Variants in POM121L2 observed in about 807,000 individuals in gnomAD.
POM121L2 encodes POM121 transmembrane nucleoporin like 2, also known as POM121-like protein 2.
For missense variants in POM121L2, 1,167 were observed against 1,260.3 expected (o/e 0.93, Z 1.12); for synonymous variants, 459 against 483.8 (o/e 0.95, Z 0.67).
rs1046397629 is a variant in POM121L2 at position 27,311,071 on chromosome 6, G to A, written c.1100C>T (p.Thr367Ile). 43 of 1,551,972 alleles carry A rather than the reference G, an allele frequency of 2.8e-5. No individual in the cohort carries two copies. Among genetic ancestry groups the A allele is most frequent in the Non-Finnish European group, 3.6e-5 (41 of 1,147,054 alleles). The change falls in exon 1 of 1, where the codon ACA becomes ATA. Residue 367 changes from threonine to isoleucine, a missense_variant. Physicochemically the swap from Thr to Ile is moderately conservative, Grantham distance 89. Transcript: ENST00000444565. ...LQVSNNAGEDTTEVNTDPFPE... is the reference protein window; with the variant it reads ...LQVSNNAGEDITEVNTDPFPE... ...GAAAGGGTCTGTGTTGACCTCAGTTGTATCTTCTCCTGCGTTGTTGCTTAC... is the reference window on the plus strand; with the variant it reads ...GAAAGGGTCTGTGTTGACCTCAGTTATATCTTCTCCTGCGTTGTTGCTTAC...
rs1389269445 is a variant in POM121L2 at position 27,310,770 on chromosome 6, C to A, written c.1401G>T (p.Leu467=). Residue 467 remains leucine (L), a synonymous_variant, in exon 1 of 1, where the codon CTG becomes CTT. Transcript: ENST00000444565. The part of the protein sequence containing the change: ...PDSKPTATFI[L]LTPTSPTLPV... ...GTAATGTGGGAGAGGTGGGGGTCAG[C>A]AGGATGAAAGTAGCTGTGGGCTTTG... The A allele has an allele frequency of 1.3e-6, 2 of 1,551,732 alleles. No homozygotes were observed. Among genetic ancestry groups the A allele is most frequent in the South Asian group, 2.4e-5 (2 of 84,050 alleles).
chr6:27,312,056 G>C lies in POM121L2; in HGVS notation c.115C>G (p.His39Asp), dbSNP rs2113599092. The C allele has an allele frequency of 1.3e-6, 2 of 1,521,646 alleles. No individual in the cohort carries two copies. The highest frequency in any genetic ancestry group is 2.5e-5 in the South Asian group (2 of 79,454). 94.3% of individuals were successfully genotyped at this position (1,521,646 alleles called of 1,614,324 possible). A position where few individuals can be genotyped will look rare whatever the true frequency, so the allele number is the denominator to read the frequency against. Residue 39 changes from histidine to aspartate, a missense_variant, in exon 1 of 1, where the codon CAT (histidine) becomes GAT (aspartate). Coordinates refer to ENST00000444565, the MANE Select transcript of POM121L2 (RefSeq NM_033482.4). This position sits in a 1 kb window ranked among gnomAD's most constrained non-coding sequence, Gnocchi z 6.7. ...GCGCGGTGGACGAACTGAACCCGAT[G>C]AACTTGGTGAAGGGGCTGAGGTGGC... ...RRPPQPLHQVHRVQFVHRAHP... is the reference protein window; with the variant it reads ...RRPPQPLHQVDRVQFVHRAHP...
In POM121L2 at chr6:27,311,694, C is replaced by T; in HGVS notation, c.477G>A (p.Val159=). 1 of 1,551,930 alleles carries T rather than the reference C, an allele frequency of 6.4e-7. No individual in the cohort carries two copies. The highest frequency in any genetic ancestry group is 8.7e-7 in the Non-Finnish European group (1 of 1,147,048). ...ELADPCSKET[V]LRALRECRKG... is the part of the protein sequence containing the mutation. ...TTCTGCACTCTCTGAGGGCCCTCAA[C>T]ACTGTCTCCTTTGAACATGGATCTG... Residue 159 remains valine, a synonymous_variant, in exon 1 of 1, where the codon GTG becomes GTA. Transcript: ENST00000444565.
rs958716523 is a variant in POM121L2 at position 27,310,401 on chromosome 6, C to T, written c.1770G>A (p.Thr590=). ...TGGAGGAGAAAGGAGCTATCATGGG[C>T]GTAGTTTTAAGTGGATCTATGCTGC... The part of the protein sequence containing the change: ...IFGSIDPLKT[T]PMIAPFSSKQ... Residue 590 remains threonine, a synonymous_variant, in exon 1 of 1, where the codon ACG becomes ACA. Coordinates refer to ENST00000444565, the MANE Select transcript of POM121L2 (RefSeq NM_033482.4). 51 of 1,552,012 alleles carry T rather than the reference C, an allele frequency of 3.3e-5. No homozygotes were observed. The highest frequency in any genetic ancestry group is 9.5e-5 in the South Asian group (8 of 84,048).
Position 27,309,373 on chromosome 6 carries a change from A to T in POM121L2, c.2798T>A (p.Ile933Asn), listed in dbSNP as rs1242746271. 1 of 1,551,394 alleles carries T rather than the reference A, an allele frequency of 6.4e-7. No homozygotes were observed. Among genetic ancestry groups the T allele is most frequent in the Non-Finnish European group, 8.7e-7 (1 of 1,146,930 alleles). Reference protein sequence around the residue: ...ALPSGTTNTMIPFGKGWSQNT... With the variant: ...ALPSGTTNTMNPFGKGWSQNT... ...CTGGCTCCAGCCTTTTCCAAAGGGG[A>T]TCATGGTGTTAGTGGTCCCACTAGG... The change falls in exon 1 of 1, where the codon ATC (isoleucine) becomes AAC (asparagine). Residue 933 changes from isoleucine to asparagine, a missense_variant. By Grantham distance (149) the Ile-to-Asn change is moderately radical. Transcript: ENST00000444565.
chr6:27,309,909 AC>A, intron 1 of POM121L2: 2 of 1,551,584 alleles, frequency 1.3e-6, no homozygotes, highest in Non-Finnish European at 1.7e-6. Flanking sequence ...ATCCCAAGGG[AC>A]TTGTGATTGC....
At position 27,311,097 on chromosome 6, in the gene POM121L2, C is replaced by CTGTA; in HGVS notation, c.212_215dup (p.Gln72HisfsTer14). ...TATCTTCTCCTGCGTTGTTGCTTACCTGTAGCTCAGCTTTCTTCCCCAAAG... is the reference window on the plus strand; with the variant it reads ...TATCTTCTCCTGCGTTGTTGCTTACCTGTATGTAGCTCAGCTTTCTTCCCCAAAG... On this transcript the variant is annotated frameshift_variant and splice_region_variant, in exon 1 of 2. Coordinates refer to the POM121L2 transcript ENST00000429945. LOFTEE classifies it high-confidence loss of function. 1 of 1,551,876 alleles carries CTGTA rather than the reference C, an allele frequency of 6.4e-7. No individual in the cohort carries two copies. The highest frequency in any genetic ancestry group is 1.2e-5 in the South Asian group (1 of 84,060).
rs761036021 is a variant in POM121L2, at chr6:27,311,047, A to G, written c.1124T>C (p.Phe375Ser). 18 of 1,551,970 alleles carry G rather than the reference A, an allele frequency of 1.2e-5. No homozygotes were observed. The East Asian group carries it at 1.5e-4, about 13-fold the overall frequency. ...EDTTEVNTDP[F>S]PETWLAIQPS... The stretch of plus-strand genomic sequence containing the variant: ...CTGAATAGCAAGCCAAGTCTCAGGG[A>G]AAGGGTCTGTGTTGACCTCAGTTGT... Residue 375 changes from phenylalanine to serine, a missense_variant, in exon 1 of 1, where the codon TTC becomes TCC. Phe to Ser is a radical substitution (Grantham distance 155). Transcript: ENST00000444565.
chr6:27,309,068 T>C lies in POM121L2; in HGVS notation c.3103A>G (p.Lys1035Glu), dbSNP rs1010383981. 3.9e-6 allele frequency: 6 copies of C among 1,548,152 alleles called. No individual in the cohort carries two copies. The African/African-American group carries it at 4.1e-5, about 11-fold the overall frequency. The change falls in exon 1 of 1, where the codon AAG becomes GAG. Residue 1035 changes from lysine to glutamate, a missense_variant. Coordinates refer to ENST00000444565, the MANE Select transcript of POM121L2 (RefSeq NM_033482.4). ...GHSRRHHAYK[K>E] Reference sequence around the variant, plus strand: ...CAAGTGACAGGGAACACAGGCTACTTCTTGTAGGCATGATGCCTTCGGGAA... The same window carrying C: ...CAAGTGACAGGGAACACAGGCTACTCCTTGTAGGCATGATGCCTTCGGGAA...
Position 27,309,728 on chromosome 6 carries a change from G to C in POM121L2, c.2443C>G (p.Pro815Ala), listed in dbSNP as rs1402955960. The change falls in exon 1 of 1, where the codon CCA (proline) becomes GCA (alanine). Residue 815 changes from proline (P) to alanine (A), a missense_variant. By Grantham distance (27) the Pro-to-Ala change is conservative. Coordinates refer to ENST00000444565, the MANE Select transcript of POM121L2 (RefSeq NM_033482.4). Reference protein sequence around the residue: ...AVALPTPMPTPAQPAFISTTQ... With the variant: ...AVALPTPMPTAAQPAFISTTQ... ...GTACTAATGAAGGCTGGCTGAGCTGGAGTTGGCATGGGGGTTGGCAATGCC... is the reference window on the plus strand; with the variant it reads ...GTACTAATGAAGGCTGGCTGAGCTGCAGTTGGCATGGGGGTTGGCAATGCC... 1 of 1,551,742 alleles carries C rather than the reference G, an allele frequency of 6.4e-7. No individual in the cohort carries two copies. Among genetic ancestry groups the C allele is most frequent in the Admixed American group, 2.0e-5 (1 of 50,996 alleles).
Position 27,310,684 on chromosome 6 carries a change from G to C in POM121L2, c.1487C>G (p.Pro496Arg), listed in dbSNP as rs1329855119. 1.3e-6 allele frequency: 2 copies of C among 1,551,792 alleles called. No homozygotes were observed. Among genetic ancestry groups the C allele is most frequent in the African/African-American group, 1.4e-5 (1 of 73,028 alleles). Residue 496 changes from proline to arginine, a missense_variant, in exon 1 of 1, where the codon CCA becomes CGA. By Grantham distance (103) the Pro-to-Arg change is moderately radical (BLOSUM62 -2). Coordinates refer to ENST00000444565, the MANE Select transcript of POM121L2 (RefSeq NM_033482.4). ...TSQADRSPMPPDPPAPPTIQS... is the reference protein window; with the variant it reads ...TSQADRSPMPRDPPAPPTIQS... ...GATGGTGGGTGGTGCAGGTGGGTCTGGGGGCATGGGAGACCTGTCAGCCTG... is the reference window on the plus strand; with the variant it reads ...GATGGTGGGTGGTGCAGGTGGGTCTCGGGGCATGGGAGACCTGTCAGCCTG...
chr6:27,310,217 C>T lies in POM121L2; in HGVS notation c.1954G>A (p.Val652Ile), dbSNP rs549116643. 2.3e-4 allele frequency: 354 copies of T among 1,552,328 alleles called. 6 individuals carry two copies. The South Asian group carries it at 3.9e-3, about 17-fold the overall frequency. ...GAAGGGACAGAATAAGTGTTGCCTA[C>T]GGCACTGGTGACATTCACTACACCA... is the stretch of plus-strand genomic sequence containing the variant. ...DFGVVNVTSA[V>I]GNTYSVPSTC... The change falls in exon 1 of 1, where the codon GTA (valine) becomes ATA (isoleucine). Residue 652 changes from valine (V) to isoleucine (I), a missense_variant. Val to Ile is a conservative substitution (Grantham distance 29, BLOSUM62 3). Transcript: ENST00000444565.
In POM121L2 at chr6:27,309,036, C is replaced by A; in HGVS notation, c.*27G>T. 6.7e-7 allele frequency: 1 copy of A among 1,498,968 alleles called. No homozygotes were observed. The highest frequency in any genetic ancestry group is 9.0e-7 in the Non-Finnish European group (1 of 1,116,106). 92.9% of individuals were successfully genotyped at this position (1,498,968 alleles called of 1,614,324 possible). On this transcript the variant is annotated 3_prime_UTR_variant, in exon 1 of 1. Transcript: ENST00000444565. ...TCAAAAACAATACTGAGGTCTAAAT[C>A]AGGGTGCAAGTGACAGGGAACACAG... is the stretch of plus-strand genomic sequence containing the variant.
rs1048497598 is a variant in POM121L2, at chr6:27,310,629, G to C, written c.1542C>G (p.Ser514Arg). 1 of 1,551,784 alleles carries C rather than the reference G, an allele frequency of 6.4e-7. No homozygotes were observed. The highest frequency in any genetic ancestry group is 1.4e-5 in the African/African-American group (1 of 73,024). The change falls in exon 1 of 1, where the codon AGC becomes AGG. Residue 514 changes from serine (S) to arginine (R), a missense_variant. Physicochemically the swap from Ser to Arg is moderately radical, Grantham distance 110. Coordinates refer to ENST00000444565, the MANE Select transcript of POM121L2 (RefSeq NM_033482.4). ...CAGATGCAGAAAGATGGGATGTTGG[G>C]CTACTCACCATTCCAAGCAAAGTAC... ...IQSTLLGMVS[S>R]PTSHLSASAP...
In POM121L2 at chr6:27,310,218, G is replaced by A. The variant is rs777062781; in HGVS notation, c.1953C>T (p.Ala651=). 33 of 1,552,320 alleles carry A rather than the reference G, an allele frequency of 2.1e-5. 1 individual carries two copies. Among genetic ancestry groups the A allele is most frequent in the East Asian group, 9.8e-5 (4 of 40,918 alleles). ...LDFGVVNVTS[A]VGNTYSVPST... The stretch of plus-strand genomic sequence containing the variant: ...AAGGGACAGAATAAGTGTTGCCTAC[G>A]GCACTGGTGACATTCACTACACCAA... The change falls in exon 1 of 1, where the codon GCC becomes GCT. Residue 651 remains alanine (A), a synonymous_variant. Transcript: ENST00000444565.
rs1193508001 is a variant in POM121L2 at position 27,310,555 on chromosome 6, C to T, written c.1616G>A (p.Gly539Glu). Residue 539 changes from glycine to glutamate, a missense_variant, in exon 1 of 1, where the codon GGG becomes GAG. By Grantham distance (98) the Gly-to-Glu change is moderately conservative. Coordinates refer to ENST00000444565, the MANE Select transcript of POM121L2 (RefSeq NM_033482.4). Reference sequence around the variant, plus strand: ...TCCAATCTCGCTGTTGTGCAGGGGCCCCAAAATCGGTTTTAACATGAGGTG... The same window carrying T: ...TCCAATCTCGCTGTTGTGCAGGGGCTCCAAAATCGGTTTTAACATGAGGTG... The part of the protein sequence containing the change: ...SAHLMLKPIL[G>E]PLHNSEIGSS... The T allele has an allele frequency of 6.4e-6, 10 of 1,552,002 alleles. No homozygotes were observed. In the East Asian group the frequency reaches 2.4e-4, roughly 38 times the overall value.
Position 27,311,154 on chromosome 6 carries a change from C to G in POM121L2, c.1017G>C (p.Gln339His). Residue 339 changes from glutamine (Q) to histidine (H), a missense_variant, in exon 1 of 1, where the codon CAG (glutamine) becomes CAC (histidine). Gln to His is a conservative substitution (Grantham distance 24). Coordinates refer to ENST00000444565, the MANE Select transcript of POM121L2 (RefSeq NM_033482.4). ...ENLVSEIPPP[Q>H]LGYAVSDENL... ...TCTCATCAGAGACTGCATAACCAAGCTGGGGAGGTGGGATCTCTGACACCA... is the reference window on the plus strand; with the variant it reads ...TCTCATCAGAGACTGCATAACCAAGGTGGGGAGGTGGGATCTCTGACACCA... 1 of 1,551,916 alleles carries G rather than the reference C, an allele frequency of 6.4e-7. No homozygotes were observed. The highest frequency in any genetic ancestry group is 8.7e-7 in the Non-Finnish European group (1 of 1,147,056).
chr6:27,310,433 T>C lies in POM121L2; in HGVS notation c.1738A>G (p.Ile580Val), dbSNP rs1183424801. ...QGTLTPTFKP[I>V]FGSIDPLKTT... ...TTAAGTGGATCTATGCTGCCAAAGATAGGCTTGAAGGTAGGAGTTAAGGTA... is the reference window on the plus strand; with the variant it reads ...TTAAGTGGATCTATGCTGCCAAAGACAGGCTTGAAGGTAGGAGTTAAGGTA... The change falls in exon 1 of 1, where the codon ATC becomes GTC. Residue 580 changes from isoleucine (I) to valine (V), a missense_variant. By Grantham distance (29) the Ile-to-Val change is conservative. Coordinates refer to ENST00000444565, the MANE Select transcript of POM121L2 (RefSeq NM_033482.4). 3.2e-6 allele frequency: 5 copies of C among 1,552,072 alleles called. No homozygotes were observed. The highest frequency in any genetic ancestry group is 2.4e-5 in the South Asian group (2 of 84,062).
In POM121L2 at chr6:27,310,809, G is replaced by T. The variant is rs1345459775; in HGVS notation, c.1362C>A (p.Gly454=). The change falls in exon 1 of 1, where the codon GGC becomes GGA. Residue 454 remains glycine, a synonymous_variant. Coordinates refer to ENST00000444565, the MANE Select transcript of POM121L2 (RefSeq NM_033482.4). ...CTGTGGGCTTTGAGTCTGGAGAGGTGCCTGGAAGGAGCTCTGACTGTGAGC... is the reference window on the plus strand; with the variant it reads ...CTGTGGGCTTTGAGTCTGGAGAGGTTCCTGGAAGGAGCTCTGACTGTGAGC... The part of the protein sequence containing the change: ...PGCSQSELLP[G]TSPDSKPTAT... The T allele has an allele frequency of 6.4e-7, 1 of 1,551,624 alleles. No individual in the cohort carries two copies. Among genetic ancestry groups the T allele is most frequent in the Non-Finnish European group, 8.7e-7 (1 of 1,147,014 alleles).
Sources: gnomAD v4.1 joint callset for allele counts on GRCh38, gnomAD v4.1.1 for gene constraint, Gnocchi (gnomAD v3.1) non-coding constraint, MANE v1.5 for transcripts, NCBI Gene and HGNC (gene_info 2026-07-23, HGNC 2026-07-21) for gene names.